Variants in GALNT16 observed in about 807,000 individuals in gnomAD.
GALNT16 encodes the protein polypeptide N-acetylgalactosaminyltransferase 16.
Under a neutral mutation model 76.1 loss-of-function variants are expected in GALNT16, and 40 were observed. The observed-to-expected ratio is 0.53, with a 90% CI of 0.41 to 0.68. The LOEUF (loss-of-function observed/expected upper bound fraction) is 0.68, where lower values mean the gene tolerates loss of function less well. Ranked by LOEUF, GALNT16 falls within the 30% of genes least tolerant of loss-of-function variation. GALNT16 has a pLI of 0.00. For synonymous variants in GALNT16, 276 were observed against 285.2 expected (o/e 0.97, Z 0.32); for missense variants, 621 against 731.9 (o/e 0.85, Z 1.75).
the GALNT16 span, among the ~76,000 whole-genome samples, chr14:69,382,156 C>T: frequency 6.6e-6 from 1 of 152,176 alleles, no homozygotes; most frequent in Non-Finnish European, 1.5e-5. Context: ...GAAATAAATT[C>T]CAAAGTAGGA....
chr14:69,285,705 T>C (rs1407157276), intron 1 of GALNT16, among the ~76,000 whole-genome samples: 3 of 152,186 alleles, frequency 2.0e-5, no homozygotes, highest in Non-Finnish European at 4.4e-5. Flanking sequence ...AAGAGGGTCT[T>C]GTGAGGACAC....
intron 1 of GALNT16, among the ~76,000 whole-genome samples, chr14:69,270,850 G>A (rs566643315): frequency 7.7e-4 from 118 of 152,336 alleles, no homozygotes; most frequent in Non-Finnish European, 1.3e-3. Context: ...GAAAGAACAC[G>A]TGATCGCCTA....
At chr14:69,325,036 A>G (rs1035460282) in intron 3 of GALNT16, among the ~76,000 whole-genome samples, 10 of 152,294 alleles carry the variant, frequency 6.6e-5, no homozygotes, top group Middle Eastern at 6.8e-3. Flanking sequence ...TCAGGAGCTG[A>G]GGGAGGCCGG....
chr14:69,294,707 A>C (rs1374005978), intron 1 of GALNT16, among the ~76,000 whole-genome samples: 1 of 152,156 alleles, frequency 6.6e-6, no homozygotes, highest in African/African-American at 2.4e-5. Context: ...TACAATATGC[A>C]GTCTTTTGTG....
At chr14:69,282,162 G>C (rs981752349) in intron 1 of GALNT16, among the ~76,000 whole-genome samples, 1 of 152,170 alleles carries the variant, frequency 6.6e-6, no homozygotes, top group African/African-American at 2.4e-5. Flanking sequence ...TGTAACCTGG[G>C]ACCACCCGCA....
chr14:69,280,507 G>T (rs567611606), intron 1 of GALNT16, among the ~76,000 whole-genome samples: 2 of 152,326 alleles, frequency 1.3e-5, no homozygotes, highest in Admixed American at 1.3e-4. Context: ...TGCAAACATG[G>T]TGTACAAGTA....
chr14:69,351,903 A>C, intron 14 of GALNT16, 128 bp from the exon 15 acceptor site: 1 of 842,772 alleles, frequency 1.2e-6, no homozygotes, highest in South Asian at 1.8e-5. Flanking sequence ...CTAAAAAGAA[A>C]GGAGGAGGGG....
At chr14:69,279,080 C>T (rs111296189) in intron 1 of GALNT16, among the ~76,000 whole-genome samples, 9,387 of 152,010 alleles carry the variant, frequency 0.062, 483 homozygotes, top group East Asian at 0.26. Flanking sequence ...TACAGGCGCT[C>T]GCCACCACTC....
the GALNT16 span, among the ~76,000 whole-genome samples, chr14:69,379,587 T>A: frequency 2.6e-5 from 4 of 152,230 alleles, no homozygotes; most frequent in Non-Finnish European, 5.9e-5. Context: ...AGAGTGCTCA[T>A]GTACTTGCTG....
intron 1 of GALNT16, among the ~76,000 whole-genome samples, chr14:69,307,904 C>T (rs2140147232): frequency 6.6e-6 from 1 of 152,212 alleles, no homozygotes; most frequent in South Asian, 2.1e-4. Flanking sequence ...CCCAGTCCCA[C>T]CCTGTTTTCA....
intron 1 of GALNT16, among the ~76,000 whole-genome samples, chr14:69,283,215 A>G (rs1336622573): frequency 6.6e-6 from 1 of 152,254 alleles, no homozygotes; most frequent in African/African-American, 2.4e-5. Context: ...CACTATGGAC[A>G]CATTAGTACG....
the GALNT16 span, among the ~76,000 whole-genome samples, chr14:69,379,390 A>G: frequency 6.6e-6 from 1 of 152,316 alleles, no homozygotes; most frequent in African/African-American, 2.4e-5. Flanking sequence ...CTGAGCACAT[A>G]TGAGTATGTT....
At chr14:69,278,974 G>A (rs1272578845) in intron 1 of GALNT16, among the ~76,000 whole-genome samples, 2 of 149,892 alleles carry the variant, frequency 1.3e-5, no homozygotes, top group African/African-American at 2.5e-5. Context: ...TCTTGTCGCC[G>A]AGGCTGGGGT....
chr14:69,368,796 G>A, the GALNT16 span, among the ~76,000 whole-genome samples: 22 of 152,202 alleles, frequency 1.4e-4, no homozygotes, highest in African/African-American at 4.1e-4. Flanking sequence ...CTTTTAACTC[G>A]ACTAGAAAGA....
At chr14:69,355,077 T>A (rs1416846888), downstream of GALNT16, 1 of 152,290 alleles carries the variant, frequency 6.6e-6, no homozygotes, top group Non-Finnish European at 1.5e-5. Context: ...ATGTCTGTGA[T>A]CAGAAGCTGA....
chr14:69,309,076 T>G (rs1246191870), intron 1 of GALNT16, among the ~76,000 whole-genome samples: 1 of 152,208 alleles, frequency 6.6e-6, no homozygotes. Context: ...ATTAATGAGG[T>G]TGAACATCTT....
chr14:69,331,457 C>T lies in GALNT16; in HGVS notation c.691-7C>T, dbSNP rs764800629. On this transcript the variant is annotated splice_polypyrimidine_tract_variant and splice_region_variant and intron_variant, in intron 6 of 14. Transcript: ENST00000448469. Reference sequence around the variant, plus strand: ...AGGCCTCACACCATCTCACATCTCTCTCCTAGGACCACACCCGCGTGGTGA... The same window carrying T: ...AGGCCTCACACCATCTCACATCTCTTTCCTAGGACCACACCCGCGTGGTGA... 2.6e-6 allele frequency: 4 copies of T among 1,559,162 alleles called. No individual in the cohort carries two copies. The Admixed American group carries it at 5.0e-5, about 20-fold the overall frequency.
At chr14:69,377,156 A>G in the GALNT16 span, among the ~76,000 whole-genome samples, 1 of 152,196 alleles carries the variant, frequency 6.6e-6, no homozygotes, top group Admixed American at 6.5e-5. Context: ...AGACCTCTTC[A>G]GGTCTTGTGA....
intron 9 of GALNT16, among the ~76,000 whole-genome samples, 163 bp from the exon 10 acceptor site, chr14:69,338,488 G>A (rs1030173725): frequency 6.6e-6 from 1 of 152,194 alleles, no homozygotes. Flanking sequence ...GGGCAGTCAG[G>A]AACCTGTGCA....
Sources: gnomAD v4.1 joint callset for allele counts (sites outside exome capture counted in the v4.1 genomes callset) on GRCh38, gnomAD v4.1.1 for gene constraint, MANE v1.5 for transcripts, NCBI Gene and HGNC (gene_info 2026-07-23, HGNC 2026-07-21) for gene names.